The following FBRSL1 variants were observed in gnomAD, a reference collection of about 807,000 sequenced individuals.
The protein encoded by FBRSL1 is fibrosin-1-like protein.
Under a neutral mutation model 89.6 loss-of-function variants are expected in FBRSL1, and 51 were observed. The ratio of observed to expected loss-of-function variants is 0.57; its 90% CI spans 0.45 to 0.72. FBRSL1 has a LOEUF of 0.72. FBRSL1 is among the 30% of genes least tolerant of loss of function. FBRSL1 has a pLI of 0.00. For synonymous variants in FBRSL1, 779 were observed against 681.1 expected (o/e 1.14, Z -2.24); for missense variants, 1,618 against 1,451.8 (o/e 1.11, Z -1.86).
At chr12:132,498,244 G>GT (rs1322689459) in intron 1 of FBRSL1, among the ~76,000 whole-genome samples, 1 of 152,140 alleles carries the variant, frequency 6.6e-6, no homozygotes, top group Non-Finnish European at 1.5e-5. Flanking sequence ...TGAGGCCTGT[G>GT]TCGGGGGCAT....
chr12:132,563,489 C>T (rs938292739), intron 5 of FBRSL1, among the ~76,000 whole-genome samples: 4 of 152,004 alleles, frequency 2.6e-5, no homozygotes, highest in South Asian at 4.2e-4. Flanking sequence ...GATCTCTGTC[C>T]GTCGCGGCAT....
At chr12:132,511,238 A>C in intron 2 of FBRSL1, 2 of 985,148 alleles carry the variant, frequency 2.0e-6, no homozygotes, top group Non-Finnish European at 2.4e-6. Context: ...GCATGCACTG[A>C]AGGGTTGCCT....
chr12:132,582,285 C>G lies in FBRSL1; in HGVS notation c.2201+19C>G. 1.9e-6 allele frequency: 3 copies of G among 1,546,364 alleles called. No homozygotes were observed. Among genetic ancestry groups the G allele is most frequent in the Admixed American group, 2.0e-5 (1 of 50,896 alleles). ...AGGAACGGTGAGTGGCCCTCTTGTT[C>G]CGTATCCCCACCACACACCCCTACC... On this transcript the variant is annotated intron_variant, in intron 18 of 18. Transcript: ENST00000680143.
At chr12:132,528,189 GT>G (rs1206784321) in intron 4 of FBRSL1, among the ~76,000 whole-genome samples, 1 of 152,142 alleles carries the variant, frequency 6.6e-6, no homozygotes, top group African/African-American at 2.4e-5. Context: ...AGATTTGGGG[GT>G]GCGTCCTGCT....
chr12:132,551,428 C>T lies in FBRSL1; in HGVS notation c.645+3396C>T, dbSNP rs768887911. The T allele has an allele frequency of 1.7e-3, 755 of 456,288 alleles. 6 individuals are homozygous for T. The highest frequency in any genetic ancestry group is 0.013 in the Middle Eastern group (41 of 3,076). 28.3% of individuals were successfully genotyped at this position (456,288 alleles called of 1,614,324 possible). On this transcript the variant is annotated intron_variant, in intron 5 of 18. Transcript: ENST00000680143. ...CAGCCGTGCAGGGAACAGCCCTGCC[C>T]GCAGAAGCGGATGCCGGGGCAGGTG...
chr12:132,574,218 G>A, intron 12 of FBRSL1, 60 bp downstream of exon 12: 1 of 1,440,024 alleles, frequency 6.9e-7, no homozygotes, highest in East Asian at 2.5e-5. Context: ...GCCGGGCCCT[G>A]TGCGGGCTGG....
At chr12:132,497,037 C>T (rs12298974) in intron 1 of FBRSL1, among the ~76,000 whole-genome samples, 10,238 of 152,338 alleles carry the variant, frequency 0.067, 378 homozygotes, top group South Asian at 0.11. Context: ...GGTTGTTTGC[C>T]GACGGTTCGG....
rs556468824 is a variant in FBRSL1, at chr12:132,549,842, C to A, written c.645+1810C>A. On this transcript the variant is annotated intron_variant, in intron 5 of 18. Coordinates refer to ENST00000680143, the MANE Select transcript of FBRSL1 (RefSeq NM_001367871.1). ...TGTGCCTGCAGAGATGCGGCCCCTGCCCGGGCCTGGGCTGGAGGCCGAGGG... is the reference window on the plus strand; with the variant it reads ...TGTGCCTGCAGAGATGCGGCCCCTGACCGGGCCTGGGCTGGAGGCCGAGGG... 4.6e-5 allele frequency among the ~76,000 whole-genome samples: 7 copies of A among 152,132 alleles called. No homozygotes were observed. In the South Asian group the frequency reaches 1.0e-3, roughly 22 times the overall value.
chr12:132,542,781 C>G (rs1263684850), intron 4 of FBRSL1, among the ~76,000 whole-genome samples: 2 of 152,260 alleles, frequency 1.3e-5, no homozygotes, highest in African/African-American at 2.4e-5. Context: ...AGCGCAGGGT[C>G]CCTGCTTATG....
intron 12 of FBRSL1, 29 bp from the exon 13 acceptor site, chr12:132,574,290 G>T: frequency 6.6e-7 from 1 of 1,513,968 alleles, no homozygotes. Flanking sequence ...GAGGGGCCCG[G>T]ACCTCACACT....
At chr12:132,560,615 T>G (rs1164210136) in intron 5 of FBRSL1, among the ~76,000 whole-genome samples, 1 of 152,132 alleles carries the variant, frequency 6.6e-6, no homozygotes, top group South Asian at 2.1e-4. Context: ...TGGCCCAGGC[T>G]GCGCCGCGTG....
chr12:132,537,157 G>A (rs927137381), intron 4 of FBRSL1, among the ~76,000 whole-genome samples: 2 of 152,194 alleles, frequency 1.3e-5, no homozygotes, highest in Non-Finnish European at 2.9e-5. Flanking sequence ...GGTTAGGGAT[G>A]GCCGCCCTGT....
chr12:132,501,863 G>A (rs2033013239), intron 1 of FBRSL1, among the ~76,000 whole-genome samples: 1 of 152,234 alleles, frequency 6.6e-6, no homozygotes, highest in Non-Finnish European at 1.5e-5. Context: ...CGACTGCCCA[G>A]ATCTCTGCTC....
At chr12:132,521,262 G>A (rs2035324877) in intron 2 of FBRSL1, among the ~76,000 whole-genome samples, 1 of 152,238 alleles carries the variant, frequency 6.6e-6, no homozygotes, top group Non-Finnish European at 1.5e-5. Context: ...TGGGGCTGGG[G>A]CAGGGGTGCG....
intron 4 of FBRSL1, among the ~76,000 whole-genome samples, chr12:132,542,758 G>A (rs2037369676): frequency 1.3e-5 from 2 of 152,268 alleles, no homozygotes. Flanking sequence ...GGACCCCTGG[G>A]AGCAGCAACC....
chr12:132,511,550 C>T (rs2136649936), intron 2 of FBRSL1: 1 of 985,730 alleles, frequency 1.0e-6, no homozygotes, highest in East Asian at 1.1e-4. Flanking sequence ...CTCCAGACCT[C>T]AGGGGAGCTG....
chr12:132,502,820 C>T lies in FBRSL1; in HGVS notation c.292-5333C>T, dbSNP rs934126003. Among the ~76,000 whole-genome samples the T allele has an allele frequency of 2.4e-3, 283 of 119,138 alleles. 7 individuals are homozygous for T. The highest frequency in any genetic ancestry group is 0.022 in the Admixed American group (270 of 12,002). 78.2% of individuals were successfully genotyped at this position (119,138 alleles called of 152,430 possible). On this transcript the variant is annotated intron_variant, in intron 1 of 18. Transcript: ENST00000680143. ...GTCCCCGCCCCCTCCTGTCCCCGCC[C>T]CCTCCTGTCCTCACCCTCTCCTGTC...
At chr12:132,563,504 G>A (rs552586167) in intron 5 of FBRSL1, among the ~76,000 whole-genome samples, 59 of 151,924 alleles carry the variant, frequency 3.9e-4, no homozygotes, top group Non-Finnish European at 7.5e-4. Flanking sequence ...CGGCATCTGT[G>A]GGAACTCTGG....
chr12:132,559,502 C>A (rs2038933961), intron 5 of FBRSL1, among the ~76,000 whole-genome samples: 2 of 152,204 alleles, frequency 1.3e-5, no homozygotes, highest in African/African-American at 4.8e-5. Context: ...GTTGATCCTC[C>A]CACCTCAGCC....
Sources: allele counts gnomAD v4.1 joint callset (sites outside exome capture counted in the v4.1 genomes callset), GRCh38; gene constraint gnomAD v4.1.1; transcripts MANE v1.5; gene names NCBI Gene and HGNC (gene_info 2026-07-23, HGNC 2026-07-21).